ADARB2: variants seen among roughly 807,000 people sequenced by gnomAD.
ADARB2 encodes the protein inactive double-stranded RNA-specific editase B2.
A neutral mutation model predicts 62.2 loss-of-function variants in ADARB2; 25 were observed. That is an observed-to-expected ratio of 0.40 (90% confidence interval 0.29 to 0.56). ADARB2 has a LOEUF of 0.56. Ranked by LOEUF, ADARB2 falls within the 20% of genes least tolerant of loss-of-function variation. The pLI is 0.43. For missense variants in ADARB2, 1,071 were observed against 1,077.4 expected (o/e 0.99, Z 0.08); for synonymous variants, 572 against 500.8 (o/e 1.14, Z -1.90).
chr10:1,527,731 C>G (rs1832167366), intron 1 of ADARB2, among the ~76,000 whole-genome samples: 1 of 152,086 alleles, frequency 6.6e-6, no homozygotes, highest in African/African-American at 2.4e-5. Context: ...TAATTTTCTT[C>G]CGTTTGATCA....
At chr10:1,553,068 C>A (rs367978114) in intron 1 of ADARB2, among the ~76,000 whole-genome samples, 3 of 152,148 alleles carry the variant, frequency 2.0e-5, no homozygotes, top group African/African-American at 4.8e-5. Context: ...CTGCCGGAGA[C>A]CCTGCCCCAT....
intron 1 of ADARB2, among the ~76,000 whole-genome samples, chr10:1,617,685 C>A (rs1185870096): frequency 6.7e-6 from 1 of 148,962 alleles, no homozygotes; most frequent in Admixed American, 6.7e-5. Context: ...CACTCCACAC[C>A]GCCCTGCTGT....
At chr10:1,306,451 G>A (rs989228805) in intron 3 of ADARB2, among the ~76,000 whole-genome samples, 1 of 152,120 alleles carries the variant, frequency 6.6e-6, no homozygotes, top group East Asian at 1.9e-4. Flanking sequence ...TCATGGGTAG[G>A]AAGAATCAAT....
intron 1 of ADARB2, among the ~76,000 whole-genome samples, chr10:1,449,694 G>A (rs1055790259): frequency 2.6e-5 from 4 of 152,150 alleles, no homozygotes; most frequent in Admixed American, 6.5e-5. Flanking sequence ...CTTTAAAGGC[G>A]GGGACACAGT....
chr10:1,724,960 C>T (rs1199633464), intron 1 of ADARB2, among the ~76,000 whole-genome samples: 1 of 152,202 alleles, frequency 6.6e-6, no homozygotes, highest in African/African-American at 2.4e-5. Flanking sequence ...TGAGGCAATG[C>T]ACATGAAGCT....
In ADARB2 at chr10:1,675,517, C is replaced by T. The variant is rs1471624623; in HGVS notation, c.100+61534G>A. The T allele has an allele frequency of 2.4e-5, 23 of 945,880 alleles. No individual in the cohort carries two copies. The East Asian group carries it at 4.6e-4, about 19-fold the overall frequency. The allele number at this position is 945,880 out of a possible 1,614,324, so 58.6% of individuals were successfully genotyped here. ...TTCTGGAGGTTTGGGTTTGGGGATG[C>T]GTGGATGTTCAGGAGGTTTGGGTTT... is the stretch of plus-strand genomic sequence containing the variant. On this transcript the variant is annotated intron_variant, in intron 1 of 9. Transcript: ENST00000381312.
At chr10:1,327,613 C>T in intron 3 of ADARB2, among the ~76,000 whole-genome samples, 1 of 111,086 alleles carries the variant, frequency 9.0e-6, no homozygotes. Context: ...CTCCTCACTG[C>T]CCAGCGCCTC....
chr10:1,724,723 A>G (rs1415143216), intron 1 of ADARB2, among the ~76,000 whole-genome samples: 1 of 152,232 alleles, frequency 6.6e-6, no homozygotes, highest in Non-Finnish European at 1.5e-5. Flanking sequence ...TGGAAGTTCC[A>G]TATTCAAAAT....
intron 1 of ADARB2, among the ~76,000 whole-genome samples, chr10:1,633,572 C>CTATCTATCTATCTATCTA (rs1833875000): frequency 4.1e-5 from 6 of 146,792 alleles, no homozygotes; most frequent in South Asian, 2.1e-4. Flanking sequence ...ATCTATCTAT[C>CTATCTATCTATCTATCTA]TATCTATCTA....
At position 1,627,017 on chromosome 10, in the gene ADARB2, G is replaced by C. The variant is rs377277934; in HGVS notation, c.100+110034C>G. Among the ~76,000 whole-genome samples the C allele has an allele frequency of 2.1e-4, 32 of 151,576 alleles. No homozygotes were observed. In the East Asian group the frequency reaches 5.7e-3, roughly 27 times the overall value. ...CCACTCAGGTCCCACCTTTTCCCCG[G>C]GCCCCGGCGCACCCGCTAGCACCGC... On this transcript the variant is annotated intron_variant, in intron 1 of 9. Transcript: ENST00000381312.
intron 4 of ADARB2, among the ~76,000 whole-genome samples, chr10:1,243,250 C>T (rs746028327): frequency 2.0e-5 from 3 of 152,236 alleles, no homozygotes; most frequent in South Asian, 4.1e-4. Flanking sequence ...GGGCCCGGAT[C>T]GCAGGCCAAG....
intron 5 of ADARB2, among the ~76,000 whole-genome samples, chr10:1,235,002 C>T (rs916555993): frequency 9.2e-5 from 14 of 152,092 alleles, no homozygotes; most frequent in Non-Finnish European, 1.9e-4. Context: ...CCGCCTTGGC[C>T]CCCCAAAGAG....
At chr10:1,524,367 T>A (rs1021576940) in intron 1 of ADARB2, among the ~76,000 whole-genome samples, 14 of 152,196 alleles carry the variant, frequency 9.2e-5, no homozygotes, top group African/African-American at 3.1e-4. Context: ...AGGAAAGATA[T>A]AAAAGAAAAT....
intron 7 of ADARB2, among the ~76,000 whole-genome samples, chr10:1,204,965 G>T (rs1259327618): frequency 1.3e-5 from 2 of 152,216 alleles, no homozygotes; most frequent in Non-Finnish European, 2.9e-5. Flanking sequence ...CATCCACAGG[G>T]TGGGCCTGCA....
At chr10:1,342,833 T>C (rs1832043033) in intron 3 of ADARB2, among the ~76,000 whole-genome samples, 1 of 152,254 alleles carries the variant, frequency 6.6e-6, no homozygotes, top group Non-Finnish European at 1.5e-5. Context: ...TTTTAGTTAG[T>C]CCTTTTTTTG....
intron 1 of ADARB2, among the ~76,000 whole-genome samples, chr10:1,632,412 T>C (rs7092046): frequency 0.71 from 107,562 of 151,568 alleles, 38,143 homozygotes; most frequent in African/African-American, 0.77. Flanking sequence ...TGCATACACA[T>C]TATACATGGG....
At chr10:1,411,813 T>C (rs1423149805) in intron 1 of ADARB2, among the ~76,000 whole-genome samples, 1 of 152,240 alleles carries the variant, frequency 6.6e-6, no homozygotes, top group Non-Finnish European at 1.5e-5. Context: ...CCTCAGCGCT[T>C]GATAAATACA....
intron 1 of ADARB2, among the ~76,000 whole-genome samples, chr10:1,610,748 GCACACA>G (rs56043096): frequency 2.6e-4 from 39 of 150,448 alleles, no homozygotes; most frequent in Middle Eastern, 3.4e-3. Context: ...ATGGGCAGGC[GCACACA>G]CACACACACA....
In ADARB2 at chr10:1,673,474, A is replaced by G. The variant is rs192347819; in HGVS notation, c.100+63577T>C. Among the ~76,000 whole-genome samples the G allele has an allele frequency of 6.6e-4, 100 of 152,284 alleles. 1 individual carries two copies. The highest frequency in any genetic ancestry group is 2.2e-3 in the African/African-American group (91 of 41,534). On this transcript the variant is annotated intron_variant, in intron 1 of 9. Coordinates refer to ENST00000381312, the MANE Select transcript of ADARB2 (RefSeq NM_018702.4). ...TGATGAAGCCCTGTCGTTGAAACAA[A>G]AAGTTTGTAAGGATAAATCTTGCAA...
Sources: gnomAD v4.1 joint callset for allele counts (sites outside exome capture counted in the v4.1 genomes callset) on GRCh38, gnomAD v4.1.1 for gene constraint, MANE v1.5 for transcripts, NCBI Gene and HGNC (gene_info 2026-07-23, HGNC 2026-07-21) for gene names.